Variants in SLC39A12 observed in about 807,000 individuals in gnomAD.
The protein encoded by SLC39A12 is solute carrier family 39 member 12.
A neutral mutation model predicts 71.1 loss-of-function variants in SLC39A12; 63 were observed. That is an observed-to-expected ratio of 0.89 (90% CI 0.72 to 1.09). SLC39A12 has a LOEUF of 1.09. Ranked by LOEUF, SLC39A12 falls within the 50% of genes least tolerant of loss-of-function variation. SLC39A12 has a pLI of 0.00. For synonymous variants in SLC39A12, 351 were observed against 301.3 expected, an observed-to-expected ratio of 1.16 and a Z score of -1.71; for missense variants, 892 against 812.6, an observed-to-expected ratio of 1.10 and a Z score of -1.19.
At position 17,981,423 on chromosome 10, in the gene SLC39A12, A is replaced by G. The variant is rs1289867344; in HGVS notation, c.1036A>G (p.Ser346Gly). Residue 346 changes from serine (S) to glycine (G), a missense_variant, in exon 6 of 13, where the codon AGC (serine) becomes GGC (glycine). Transcript: ENST00000377369. The part of the protein sequence containing the change: ...MSPGIIQQLL[S>G]CSCHLPKDQQ... ...TCCAGGGATCATCCAGCAGCTCCTC[A>G]GCTGCTCCTGCCACTTACCCAAGGA... 6.2e-7 allele frequency: 1 copy of G among 1,614,044 alleles called. No individual in the cohort carries two copies. The highest frequency in any genetic ancestry group is 1.7e-5 in the Admixed American group (1 of 60,016).
At chr10:17,985,464 A>G (rs906347082) in intron 6 of SLC39A12, among the ~76,000 whole-genome samples, 3 of 151,814 alleles carry the variant, frequency 2.0e-5, no homozygotes, top group Non-Finnish European at 4.4e-5. Context: ...TTTTTTTTCA[A>G]AAAAATTGCA....
chr10:17,986,767 G>A (rs1835408764), intron 6 of SLC39A12, among the ~76,000 whole-genome samples: 1 of 152,168 alleles, frequency 6.6e-6, no homozygotes, highest in Non-Finnish European at 1.5e-5. Flanking sequence ...ATCACTTTGG[G>A]AGGTGAAGCA....
intron 12 of SLC39A12, among the ~76,000 whole-genome samples, chr10:18,032,210 A>T (rs1836868926): frequency 7.9e-6 from 1 of 126,860 alleles, no homozygotes; most frequent in Admixed American, 8.1e-5. Flanking sequence ...CTTGATGGGG[A>T]TGGCATTGAA....
chr10:18,030,748 G>A (rs1432897134), intron 12 of SLC39A12, among the ~76,000 whole-genome samples: 84 of 147,122 alleles, frequency 5.7e-4, no homozygotes, highest in Non-Finnish European at 9.0e-4. Context: ...CCACTAACTC[G>A]TCATCTAGCA....
chr10:18,039,040 C>A (rs1837145413), intron 12 of SLC39A12, among the ~76,000 whole-genome samples: 1 of 152,150 alleles, frequency 6.6e-6, no homozygotes, highest in Non-Finnish European at 1.5e-5. Context: ...CGTGATGGTT[C>A]AATAAATGAC....
chr10:17,959,089 A>G (rs1554848052), intron 2 of SLC39A12, among the ~76,000 whole-genome samples: 1 of 152,196 alleles, frequency 6.6e-6, no homozygotes, highest in African/African-American at 2.4e-5. Flanking sequence ...TATTTTGTAC[A>G]AAGAACCTCT....
intron 12 of SLC39A12, among the ~76,000 whole-genome samples, chr10:18,032,617 C>T (rs377507620): frequency 2.7e-5 from 4 of 149,262 alleles, no homozygotes; most frequent in Non-Finnish European, 4.5e-5. Context: ...TGACTTCCTC[C>T]TTTCCTAATT....
chr10:18,000,487 T>C (rs1835801155), intron 10 of SLC39A12, among the ~76,000 whole-genome samples, 180 bp from the exon 11 acceptor site: 1 of 152,134 alleles, frequency 6.6e-6, no homozygotes, highest in Non-Finnish European at 1.5e-5. Flanking sequence ...TACGTTTAAG[T>C]GTGTTGGTTA....
chr10:17,994,043 G>T (rs572606231), intron 9 of SLC39A12, among the ~76,000 whole-genome samples: 1 of 152,106 alleles, frequency 6.6e-6, no homozygotes, highest in Non-Finnish European at 1.5e-5. Flanking sequence ...TTCAGATCTC[G>T]TGCTAACTCA....
intron 9 of SLC39A12, 126 bp from the exon 10 acceptor site, chr10:17,995,530 T>A: frequency 1.3e-6 from 1 of 769,888 alleles, no homozygotes; most frequent in Non-Finnish European, 2.1e-6. Context: ...AAACCTGAGG[T>A]TCTAATATAC....
chr10:17,984,408 G>A (rs892636780), intron 6 of SLC39A12, among the ~76,000 whole-genome samples: 2 of 152,236 alleles, frequency 1.3e-5, no homozygotes, highest in Non-Finnish European at 2.9e-5. Flanking sequence ...CCTGGGAAAT[G>A]TTGTACCCTG....
At chr10:17,960,914 T>A (rs1456136986) in intron 2 of SLC39A12, among the ~76,000 whole-genome samples, 1 of 152,224 alleles carries the variant, frequency 6.6e-6, no homozygotes, top group Non-Finnish European at 1.5e-5. Flanking sequence ...GTTAAAATAT[T>A]ACAAAAGTTA....
At chr10:17,979,720 T>A (rs1326251781) in intron 5 of SLC39A12, among the ~76,000 whole-genome samples, 1 of 152,206 alleles carries the variant, frequency 6.6e-6, no homozygotes, top group Non-Finnish European at 1.5e-5. Flanking sequence ...AATGCCTTCC[T>A]CACCCACAGG....
intron 4 of SLC39A12, among the ~76,000 whole-genome samples, chr10:17,967,014 T>A (rs775194816): frequency 6.6e-5 from 10 of 152,138 alleles, no homozygotes; most frequent in Admixed American, 2.0e-4. Context: ...TTTCATAATT[T>A]AAAAAAATTA....
chr10:18,006,181 C>T (rs1178836029), intron 12 of SLC39A12, among the ~76,000 whole-genome samples: 1 of 152,120 alleles, frequency 6.6e-6, no homozygotes, highest in African/African-American at 2.4e-5. Flanking sequence ...AAAAGACTAG[C>T]TAGATCTTTG....
intron 7 of SLC39A12, among the ~76,000 whole-genome samples, chr10:17,990,236 C>G (rs1378736046): frequency 6.6e-6 from 1 of 151,996 alleles, no homozygotes; most frequent in Non-Finnish European, 1.5e-5. Flanking sequence ...AAAAAGTTGA[C>G]TAACATATAT....
In SLC39A12 at chr10:18,042,738, C is replaced by T; in HGVS notation, c.1981C>T (p.Pro661Ser). 1 of 1,612,454 alleles carries T rather than the reference C, an allele frequency of 6.2e-7. No individual in the cohort carries two copies. Residue 661 changes from proline (P) to serine (S), a missense_variant, in exon 13 of 13, where the codon CCC (proline) becomes TCC (serine). Physicochemically the swap from Pro to Ser is moderately conservative, Grantham distance 74. Transcript: ENST00000377369. The part of the protein sequence containing the change: ...PEMTHVQTQR[P>S]WMMFLLQNFG... ...AATGACTCATGTTCAAACACAACGA[C>T]CCTGGATGATGTTTCTCCTGCAAAA... is the stretch of plus-strand genomic sequence containing the variant.
chr10:18,018,314 T>A (rs1191357114), intron 12 of SLC39A12, among the ~76,000 whole-genome samples: 1 of 152,196 alleles, frequency 6.6e-6, no homozygotes, highest in East Asian at 1.9e-4. Flanking sequence ...ACAGTTATCA[T>A]GTCATCCGTG....
intron 4 of SLC39A12, among the ~76,000 whole-genome samples, chr10:17,968,051 T>TTG (rs1834878453): frequency 1.3e-5 from 2 of 151,496 alleles, no homozygotes; most frequent in East Asian, 3.9e-4. Flanking sequence ...TGATCTTTGT[T>TTG]TGTGTGTGTG....
Sources: allele counts gnomAD v4.1 joint callset (sites outside exome capture counted in the v4.1 genomes callset), GRCh38; gene constraint gnomAD v4.1.1; transcripts MANE v1.5; gene names NCBI Gene and HGNC (gene_info 2026-07-23, HGNC 2026-07-21).